Variants in KIF1A observed in about 807,000 individuals in gnomAD.
KIF1A encodes kinesin family member 1A.
A neutral mutation model predicts 227.3 loss-of-function variants in KIF1A; 46 were observed. The observed-to-expected ratio is 0.20, with a 90% CI of 0.16 to 0.26. The LOEUF is 0.26. KIF1A is among the 10% of genes least tolerant of loss of function. The pLI, the probability that KIF1A is intolerant of heterozygous loss-of-function variation, is 1.00. For synonymous variants in KIF1A, 1,022 were observed against 1,012.8 expected, an observed-to-expected ratio of 1.01 and a Z score of -0.17; for missense variants, 1,683 against 2,485.9, an observed-to-expected ratio of 0.68 and a Z score of 6.87.
At chr2:240,776,045 G>T in intron 10 of KIF1A, 119 bp from the exon 11 acceptor site, 1 of 732,898 alleles carries the variant, frequency 1.4e-6, no homozygotes. Context: ...CAAGGGGCGG[G>T]GCCCGCTCTG....
At chr2:240,779,024 ACACTCAGTTCCACACTCAGTCCCT>A (rs2053161367) in intron 10 of KIF1A, among the ~76,000 whole-genome samples, 2 of 151,644 alleles carry the variant, frequency 1.3e-5, no homozygotes, top group Admixed American at 6.6e-5. Flanking sequence ...ACACAGTTCC[ACACTCAGTTCCACACTCAGTCCCT>A]CACTCAGTTC....
intron 1 of KIF1A, among the ~76,000 whole-genome samples, chr2:240,815,436 T>C (rs1280110190): frequency 6.6e-6 from 1 of 152,062 alleles, no homozygotes; most frequent in Non-Finnish European, 1.5e-5. Flanking sequence ...TAGAGCTGCA[T>C]TTCAGGAGCC....
In KIF1A at chr2:240,758,236, A is replaced by C; in HGVS notation, c.2582+124T>G. ...CAGGCCAGGGAGGACAGGGCTGGGA[A>C]TATGGGGCTGGAAAAGCACTTGTCA... is the stretch of plus-strand genomic sequence containing the variant. On this transcript the variant is annotated intron_variant, in intron 26 of 48. Coordinates refer to ENST00000498729, the MANE Select transcript of KIF1A (RefSeq NM_001244008.2). This position sits in a 1 kb window ranked among gnomAD's most constrained non-coding sequence, Gnocchi z 5.2. 9.2e-7 allele frequency: 1 copy of C among 1,090,366 alleles called. No individual in the cohort carries two copies. The highest frequency in any genetic ancestry group is 1.3e-6 in the Non-Finnish European group (1 of 782,704). 67.5% of individuals were successfully genotyped at this position (1,090,366 alleles called of 1,614,324 possible). A position where few individuals can be genotyped will look rare whatever the true frequency, so the allele number is the denominator to read the frequency against.
At position 240,789,378 on chromosome 2, in the gene KIF1A, CT is replaced by C; in HGVS notation, c.107-67del. ...GGCCCCTGACTAGCTGGCATCTACACTCCAAGGTGGGGAGATGGTCTTAAGA... is the reference window on the plus strand; with the variant it reads ...GGCCCCTGACTAGCTGGCATCTACACCCAAGGTGGGGAGATGGTCTTAAGA... On this transcript the variant is annotated intron_variant, in intron 2 of 48. Coordinates refer to ENST00000498729, the MANE Select transcript of KIF1A (RefSeq NM_001244008.2). This position sits in a 1 kb window ranked among gnomAD's most constrained non-coding sequence, Gnocchi z 4.8. 1 of 1,346,832 alleles carries C rather than the reference CT, an allele frequency of 7.4e-7. No individual in the cohort carries two copies. Among genetic ancestry groups the C allele is most frequent in the Non-Finnish European group, 1.1e-6 (1 of 938,264 alleles). The allele number at this position is 1,346,832 out of a possible 1,614,324, so 83.4% of individuals were successfully genotyped here. A position where few individuals can be genotyped will look rare whatever the true frequency, so the allele number is the denominator to read the frequency against.
At chr2:240,782,139 G>A (rs1324747152) in intron 10 of KIF1A, 19 of 985,196 alleles carry the variant, frequency 1.9e-5, no homozygotes, top group Middle Eastern at 5.2e-4. Flanking sequence ...CACACGTGGC[G>A]CGCTCCGCGG....
At chr2:240,821,157 T>C (rs4234125), upstream of KIF1A, among the ~76,000 whole-genome samples, 91,900 of 152,098 alleles carry the variant, frequency 0.6, 27,816 homozygotes, top group Admixed American at 0.7. Context: ...GGTGCACGGA[T>C]TTCGGGCCAC....
In KIF1A at chr2:240,765,756, G is replaced by C; in HGVS notation, c.1722C>G (p.Thr574=). The change falls in exon 20 of 49, where the codon ACC becomes ACG. Residue 574 remains threonine, a synonymous_variant. Transcript: ENST00000498729. ...VTLEPCEGAD[T]YVNGKKVTEP... ...CTGTGACTTTCTTGCCATTGACGTA[G>C]GTGTCTGCCCCCTCACAGGGCTCCA... The C allele has an allele frequency of 6.2e-7, 1 of 1,613,660 alleles. No individual in the cohort carries two copies. Among genetic ancestry groups the C allele is most frequent in the South Asian group, 1.1e-5 (1 of 91,078 alleles).
intron 1 of KIF1A, among the ~76,000 whole-genome samples, chr2:240,814,466 C>A (rs73104634): frequency 4.6e-5 from 7 of 151,940 alleles, no homozygotes; most frequent in Non-Finnish European, 1.0e-4. Flanking sequence ...GACTCATGCA[C>A]CCTTTCAAGG....
chr2:240,788,041 C>CCCCGA lies in KIF1A; in HGVS notation c.363+9_363+10insTCGGG. 6 of 1,520,642 alleles carry CCCCGA rather than the reference C, an allele frequency of 3.9e-6. No individual in the cohort carries two copies. The highest frequency in any genetic ancestry group is 5.4e-6 in the Non-Finnish European group (6 of 1,121,274). The allele number at this position is 1,520,642 out of a possible 1,614,324, so 94.2% of individuals were successfully genotyped here. A position where few individuals can be genotyped will look rare whatever the true frequency, so the allele number is the denominator to read the frequency against. The stretch of plus-strand genomic sequence containing the variant: ...GCCAGGGCTGCCCCCGCCCGCCCCC[C>CCCCGA]GCTTCGTGCCTGTGGGATGATGCCC... On this transcript the variant is annotated intron_variant, in intron 4 of 48. Coordinates refer to ENST00000498729, the MANE Select transcript of KIF1A (RefSeq NM_001244008.2). The surrounding 1 kb of genome is among the most constrained non-coding windows in gnomAD (Gnocchi z 6.6).
intron 1 of KIF1A, among the ~76,000 whole-genome samples, chr2:240,819,561 C>T (rs865905920): frequency 2.6e-5 from 4 of 152,150 alleles, no homozygotes; most frequent in African/African-American, 4.8e-5. Flanking sequence ...CGCCCTCCCC[C>T]ACCCCGGGAA....
At chr2:240,771,193 G>A (rs75295652) in intron 14 of KIF1A, 89 bp from the exon 15 acceptor site, 365 of 1,524,112 alleles carry the variant, frequency 2.4e-4, no homozygotes, top group Non-Finnish European at 3.1e-4. Context: ...TGGGGAGGAG[G>A]GGTAGGGCGG....
chr2:240,799,668 G>A lies in KIF1A; in HGVS notation c.-60-1856C>T, dbSNP rs770578038. Among the ~76,000 whole-genome samples, 18 of 152,268 alleles carry A rather than the reference G, an allele frequency of 1.2e-4. No individual in the cohort carries two copies. The East Asian group carries it at 1.7e-3, about 15-fold the overall frequency. ...TTAAAACTGGAAAAAGTCTTAGGAC[G>A]TTCCAGCCGGGATGGAGAGAGGAAC... On this transcript the variant is annotated intron_variant, in intron 1 of 48. Transcript: ENST00000498729.
At chr2:240,803,338 C>A (rs2057128614) in intron 1 of KIF1A, among the ~76,000 whole-genome samples, 1 of 152,214 alleles carries the variant, frequency 6.6e-6, no homozygotes, top group Admixed American at 6.5e-5. Context: ...TTGGTTCAGA[C>A]CCCAGTGTCC....
intron 45 of KIF1A, 56 bp downstream of exon 45, chr2:240,720,858 G>C: frequency 6.7e-7 from 1 of 1,494,824 alleles, no homozygotes; most frequent in Non-Finnish European, 9.0e-7. Flanking sequence ...TCACGGCCAT[G>C]GTCATGGGTC....
At chr2:240,812,959 A>ATCCGCC in intron 1 of KIF1A, among the ~76,000 whole-genome samples, 1 of 140,798 alleles carries the variant, frequency 7.1e-6, no homozygotes, top group Non-Finnish European at 1.5e-5. Context: ...CACCTCAAGG[A>ATCCGCC]TCCACCTTCA....
chr2:240,725,458 G>C lies in KIF1A; in HGVS notation c.4123-54C>G, dbSNP rs879572841. Reference sequence around the variant, plus strand: ...ACAAGGACACCCCGAGTGCCCAGGTGCCCTTCCAGCCTTCTCCTGGGGGCA... The same window carrying C: ...ACAAGGACACCCCGAGTGCCCAGGTCCCCTTCCAGCCTTCTCCTGGGGGCA... On this transcript the variant is annotated intron_variant, in intron 39 of 48. Transcript: ENST00000498729. This position sits in a 1 kb window ranked among gnomAD's most constrained non-coding sequence, Gnocchi z 5.8. 6.3e-7 allele frequency: 1 copy of C among 1,587,698 alleles called. No individual in the cohort carries two copies. The highest frequency in any genetic ancestry group is 8.6e-7 in the Non-Finnish European group (1 of 1,164,084).
chr2:240,809,725 G>A (rs1056768599), intron 1 of KIF1A, among the ~76,000 whole-genome samples: 5 of 150,102 alleles, frequency 3.3e-5, no homozygotes, highest in African/African-American at 4.9e-5. Context: ...CTGGAGTGCG[G>A]TGGTGCAATC....
intron 1 of KIF1A, among the ~76,000 whole-genome samples, chr2:240,800,065 C>G (rs907324601): frequency 2.7e-5 from 4 of 149,924 alleles, no homozygotes; most frequent in African/African-American, 9.8e-5. Flanking sequence ...TTTCCAAAGT[C>G]TAGAAATGAC....
At chr2:240,747,671 C>G (rs1175934913) in intron 28 of KIF1A, among the ~76,000 whole-genome samples, 3 of 152,238 alleles carry the variant, frequency 2.0e-5, no homozygotes, top group East Asian at 1.9e-4. Context: ...GACCACCCCA[C>G]CAGCCCTGCT....
Sources: gnomAD v4.1 joint callset for allele counts (sites outside exome capture counted in the v4.1 genomes callset) on GRCh38, gnomAD v4.1.1 for gene constraint, Gnocchi (gnomAD v3.1) non-coding constraint, MANE v1.5 for transcripts, NCBI Gene and HGNC (gene_info 2026-07-23, HGNC 2026-07-21) for gene names.